Variants in CARMIL1 observed in about 807,000 individuals in gnomAD.
CARMIL1 encodes F-actin-uncapping protein LRRC16A.
Under a neutral mutation model 177.1 loss-of-function variants are expected in CARMIL1, and 90 were observed. The observed-to-expected ratio is 0.51, with a 90% CI of 0.43 to 0.61. CARMIL1 has a LOEUF of 0.61. CARMIL1 is among the 20% of genes least tolerant of loss of function. The probability of loss-of-function intolerance (pLI) is 0.00; values close to 1 mark genes in which losing one functional copy is unlikely to be tolerated. For synonymous variants in CARMIL1, 577 were observed against 606.2 expected, an observed-to-expected ratio of 0.95 and a Z score of 0.71; for missense variants, 1,380 against 1,667.0, an observed-to-expected ratio of 0.83 and a Z score of 3.00.
chr6:25,614,683 G>A (rs929396139), intron 36 of CARMIL1, among the ~76,000 whole-genome samples: 2 of 152,116 alleles, frequency 1.3e-5, no homozygotes, highest in African/African-American at 2.4e-5. Context: ...TATTAACAAA[G>A]CATCATTAAT....
At chr6:25,529,987 A>C (rs1224461545) in intron 24 of CARMIL1, among the ~76,000 whole-genome samples, 2 of 152,112 alleles carry the variant, frequency 1.3e-5, no homozygotes, top group African/African-American at 4.8e-5. Context: ...TGAAATGGTG[A>C]ATTGACTTAG....
intron 2 of CARMIL1, among the ~76,000 whole-genome samples, chr6:25,345,813 C>T (rs1445935414): frequency 5.9e-5 from 9 of 152,070 alleles, no homozygotes; most frequent in Admixed American, 2.0e-4. Flanking sequence ...GATGGGGTTT[C>T]GCCATGTTGG....
chr6:25,451,415 A>G (rs949475199), intron 8 of CARMIL1, among the ~76,000 whole-genome samples: 4 of 152,156 alleles, frequency 2.6e-5, no homozygotes, highest in African/African-American at 7.2e-5. Flanking sequence ...GAGTTTATGA[A>G]TTGGGCATTG....
At chr6:25,506,146 A>G (rs1804885830) in intron 17 of CARMIL1, among the ~76,000 whole-genome samples, 1 of 152,198 alleles carries the variant, frequency 6.6e-6, no homozygotes, top group Admixed American at 6.5e-5. Flanking sequence ...CCCCTTACCT[A>G]TCACTTCCCT....
At chr6:25,539,861 C>A in intron 25 of CARMIL1, 86 bp from the exon 26 acceptor site, 1 of 1,038,670 alleles carries the variant, frequency 9.6e-7, no homozygotes, top group Non-Finnish European at 1.4e-6. Context: ...TAACAGTATT[C>A]CTTCACCCTT....
At chr6:25,285,207 T>C (rs915597442) in intron 2 of CARMIL1, among the ~76,000 whole-genome samples, 19 of 152,360 alleles carry the variant, frequency 1.2e-4, no homozygotes, top group Non-Finnish European at 2.2e-4. Flanking sequence ...TGATGTTAAA[T>C]GGAACTTTTT....
chr6:25,500,072 C>T (rs765774909), intron 16 of CARMIL1, 94 bp from the exon 17 acceptor site: 6 of 1,082,794 alleles, frequency 5.5e-6, no homozygotes, highest in South Asian at 2.7e-5. Context: ...GAAAAGGCAG[C>T]CTTCTTTCTC....
intron 12 of CARMIL1, among the ~76,000 whole-genome samples, chr6:25,485,183 A>G (rs1257434988): frequency 6.6e-6 from 1 of 152,214 alleles, no homozygotes; most frequent in Non-Finnish European, 1.5e-5. Context: ...GAGGACCTTC[A>G]GTGCCACCTC....
intron 31 of CARMIL1, among the ~76,000 whole-genome samples, chr6:25,582,808 T>G (rs914653541): frequency 3.2e-4 from 49 of 152,338 alleles, no homozygotes; most frequent in African/African-American, 1.2e-3. Flanking sequence ...CCAGATCTAT[T>G]TAGACCTCTG....
intron 2 of CARMIL1, among the ~76,000 whole-genome samples, chr6:25,351,949 G>A (rs1202811743): frequency 2.0e-5 from 3 of 152,060 alleles, no homozygotes; most frequent in Admixed American, 1.3e-4. Flanking sequence ...CTTCTGTGGT[G>A]TGATACTGGG....
chr6:25,525,836 G>T (rs1807040044), intron 23 of CARMIL1, among the ~76,000 whole-genome samples: 1 of 152,072 alleles, frequency 6.6e-6, no homozygotes, highest in Admixed American at 6.6e-5. Flanking sequence ...AACTAGGAAA[G>T]AAGAGAAATG....
chr6:25,418,835 G>A (rs1795592599), intron 2 of CARMIL1, among the ~76,000 whole-genome samples: 2 of 152,172 alleles, frequency 1.3e-5, no homozygotes, highest in African/African-American at 2.4e-5. Flanking sequence ...GAAATGGGCT[G>A]TGTCTTTTCC....
intron 2 of CARMIL1, chr6:25,350,932 G>C (rs1196123283): frequency 6.6e-6 from 1 of 152,144 alleles, no homozygotes; most frequent in Non-Finnish European, 1.5e-5. Flanking sequence ...AAGCTACCAT[G>C]GTGGAATTTC....
chr6:25,348,079 T>C (rs1787718011), intron 2 of CARMIL1, among the ~76,000 whole-genome samples: 1 of 152,166 alleles, frequency 6.6e-6, no homozygotes, highest in Admixed American at 6.5e-5. Flanking sequence ...AACAATTAAG[T>C]TCCTACTGCA....
chr6:25,368,090 A>G (rs893089760), intron 2 of CARMIL1, among the ~76,000 whole-genome samples: 2 of 152,196 alleles, frequency 1.3e-5, no homozygotes, highest in African/African-American at 2.4e-5. Context: ...CAGCTGAACT[A>G]TCAGTAAAAT....
chr6:25,535,288 G>A (rs545682554), intron 24 of CARMIL1, among the ~76,000 whole-genome samples: 45 of 152,214 alleles, frequency 3.0e-4, no homozygotes, highest in African/African-American at 7.7e-4. Flanking sequence ...CTGTGTCAGC[G>A]TAGGCATGGG....
In CARMIL1 at chr6:25,409,533, G is replaced by A. The variant is rs181053867; in HGVS notation, c.139-10581G>A. Among the ~76,000 whole-genome samples, 239 of 152,164 alleles carry A rather than the reference G, an allele frequency of 1.6e-3. 5 individuals carry two copies. The highest frequency in any genetic ancestry group is 0.015 in the Admixed American group (225 of 15,276). On this transcript the variant is annotated intron_variant, in intron 2 of 36. Coordinates refer to ENST00000329474, the MANE Select transcript of CARMIL1 (RefSeq NM_017640.6). ...CACAAAATGGCAAAGCTGAGATTTCGCCTGAAGTGTGTCTGACTCTAAAGC... is the reference window on the plus strand; with the variant it reads ...CACAAAATGGCAAAGCTGAGATTTCACCTGAAGTGTGTCTGACTCTAAAGC...
At chr6:25,462,537 C>A (rs369503369) in intron 8 of CARMIL1, among the ~76,000 whole-genome samples, 2 of 152,108 alleles carry the variant, frequency 1.3e-5, no homozygotes, top group African/African-American at 4.8e-5. Flanking sequence ...TGCATGATGG[C>A]GGCATTTGTT....
At position 25,517,100 on chromosome 6, in the gene CARMIL1, A is replaced by T. The variant is rs182015850; in HGVS notation, c.1806-247A>T. On this transcript the variant is annotated intron_variant, in intron 21 of 36. Transcript: ENST00000329474. ...AGTTAGATAACATAATAGTAAGTGA[A>T]CATATGTGCTATTGCTTTAAGTACA... Among the ~76,000 whole-genome samples the T allele has an allele frequency of 2.6e-4, 40 of 152,314 alleles. No individual in the cohort carries two copies. The East Asian group carries it at 7.7e-3, about 29-fold the overall frequency.
Sources: allele counts gnomAD v4.1 joint callset (sites outside exome capture counted in the v4.1 genomes callset), GRCh38; gene constraint gnomAD v4.1.1; transcripts MANE v1.5; gene names NCBI Gene and HGNC (gene_info 2026-07-23, HGNC 2026-07-21).